TPRG1: variants seen among roughly 807,000 people sequenced by gnomAD.
TPRG1 encodes tumor protein p63 regulated 1.
Under a neutral mutation model 29.3 loss-of-function variants are expected in TPRG1, and 29 were observed. The observed-to-expected ratio is 0.99, with a 90% confidence interval of 0.74 to 1.35. The LOEUF (loss-of-function observed/expected upper bound fraction) is 1.35. Ranked by LOEUF, TPRG1 falls within the 40% of genes most tolerant of loss-of-function variation. The pLI is 0.00. For missense variants in TPRG1, 327 were observed against 335.0 expected, an observed-to-expected ratio of 0.98 and a Z score of 0.19; for synonymous variants, 130 against 116.8, an observed-to-expected ratio of 1.11 and a Z score of -0.73.
intron 4 of TPRG1, among the ~76,000 whole-genome samples, chr3:189,243,010 T>A (rs1028579470): frequency 6.6e-6 from 1 of 152,192 alleles, no homozygotes; most frequent in African/African-American, 2.4e-5. Flanking sequence ...TTTAGTGATA[T>A]CTTCTTTCTT....
intron 4 of TPRG1, among the ~76,000 whole-genome samples, chr3:189,059,353 G>T (rs1307142738): frequency 2.6e-5 from 4 of 152,198 alleles, no homozygotes; most frequent in Non-Finnish European, 4.4e-5. Flanking sequence ...AGCACTTTGG[G>T]AGGCTGAGGC....
At chr3:189,114,392 C>T (rs1161485914) in intron 1 of TPRG1, among the ~76,000 whole-genome samples, 2 of 152,120 alleles carry the variant, frequency 1.3e-5, no homozygotes, top group Non-Finnish European at 2.9e-5. Context: ...AAGCGATTCT[C>T]CTGCCTCAGC....
At chr3:189,027,399 G>A (rs770449954) in intron 4 of TPRG1, among the ~76,000 whole-genome samples, 1 of 152,180 alleles carries the variant, frequency 6.6e-6, no homozygotes, top group Non-Finnish European at 1.5e-5. Context: ...ACTAAGTAAG[G>A]TATGTAAATA....
At chr3:189,207,231 C>G (rs947441642) in intron 1 of TPRG1, 145 bp from the exon 2 acceptor site, 17 of 1,416,408 alleles carry the variant, frequency 1.2e-5, no homozygotes, top group Non-Finnish European at 1.6e-5. Context: ...GAAGCTGTAT[C>G]CACCAATGCC....
intron 3 of TPRG1, among the ~76,000 whole-genome samples, chr3:189,237,297 G>GCA (rs138027082): frequency 2.0e-5 from 3 of 150,812 alleles, no homozygotes; most frequent in Admixed American, 6.6e-5. Context: ...GCACACACAC[G>GCA]CACACACACA....
chr3:189,227,060 A>G (rs1160574070), intron 3 of TPRG1, among the ~76,000 whole-genome samples: 1 of 152,022 alleles, frequency 6.6e-6, no homozygotes, highest in Non-Finnish European at 1.5e-5. Flanking sequence ...AAACTGAACA[A>G]TTAGGAGACT....
At chr3:189,052,098 A>T (rs2152139942) in intron 4 of TPRG1, among the ~76,000 whole-genome samples, 1 of 152,354 alleles carries the variant, frequency 6.6e-6, no homozygotes, top group South Asian at 2.1e-4. Flanking sequence ...AATAGCTGGG[A>T]CCTAATTAAA....
intron 1 of TPRG1, among the ~76,000 whole-genome samples, chr3:189,106,618 G>A (rs1719855307): frequency 6.6e-6 from 1 of 152,074 alleles, no homozygotes. Context: ...GTTTGTGTTG[G>A]TTGTTCACAT....
At chr3:189,223,545 T>C (rs922013816) in intron 3 of TPRG1, among the ~76,000 whole-genome samples, 1 of 151,948 alleles carries the variant, frequency 6.6e-6, no homozygotes, top group African/African-American at 2.4e-5. Flanking sequence ...TATAAGACAG[T>C]GAGGGCACTT....
intron 2 of TPRG1, chr3:189,004,407 T>G (rs1049263450): frequency 1.2e-4 from 18 of 152,174 alleles, no homozygotes; most frequent in Non-Finnish European, 2.2e-4. Flanking sequence ...AAATGCATAT[T>G]CTTATTTCCC....
chr3:189,219,124 CAA>C (rs1371331752), intron 3 of TPRG1, among the ~76,000 whole-genome samples: 13 of 152,256 alleles, frequency 8.5e-5, no homozygotes, highest in African/African-American at 3.1e-4. Flanking sequence ...AAGAATAAAA[CAA>C]TGCATATGTT....
chr3:189,141,660 G>A (rs1201241563), intron 3 of TPRG1, among the ~76,000 whole-genome samples: 2 of 152,172 alleles, frequency 1.3e-5, no homozygotes, highest in East Asian at 3.8e-4. Context: ...AAGAGAATTT[G>A]TTCATCAAAT....
intron 3 of TPRG1, among the ~76,000 whole-genome samples, chr3:189,135,549 T>C (rs1723643555): frequency 6.6e-6 from 1 of 152,210 alleles, no homozygotes; most frequent in Non-Finnish European, 1.5e-5. Context: ...ATCTATCCTC[T>C]ATTGTATTCA....
rs139495373 is a variant in TPRG1 at position 189,214,518 on chromosome 3, G to A, written c.211-774G>A. Among the ~76,000 whole-genome samples, 1,074 of 152,244 alleles carry A rather than the reference G, an allele frequency of 7.1e-3. 13 individuals carry two copies. The highest frequency in any genetic ancestry group is 0.024 in the African/African-American group (1,012 of 41,544). Reference sequence around the variant, plus strand: ...AGTGGGGTCACTGGAGGTGACTGACGTTGGCACAACCTTCTCTGTCGAAGT... The same window carrying A: ...AGTGGGGTCACTGGAGGTGACTGACATTGGCACAACCTTCTCTGTCGAAGT... On this transcript the variant is annotated intron_variant, in intron 2 of 5. Transcript: ENST00000345063.
chr3:189,155,566 A>G (rs571242587), intron 5 of TPRG1, among the ~76,000 whole-genome samples: 53 of 152,260 alleles, frequency 3.5e-4, no homozygotes, highest in African/African-American at 1.2e-3. Context: ...GAAGTCAGGT[A>G]TGGAAGTGTC....
upstream of TPRG1, among the ~76,000 whole-genome samples, chr3:189,170,795 C>G (rs933097769): frequency 2.0e-5 from 3 of 152,178 alleles, no homozygotes; most frequent in East Asian, 1.9e-4. Flanking sequence ...CCTGTGGAAT[C>G]GCTTCATGAC....
At chr3:189,199,489 C>G (rs772401224) in intron 1 of TPRG1, among the ~76,000 whole-genome samples, 6 of 152,052 alleles carry the variant, frequency 3.9e-5, no homozygotes, top group Non-Finnish European at 7.4e-5. Flanking sequence ...TCTTTTTTGA[C>G]TGAAATAAGA....
chr3:189,224,857 A>C lies in TPRG1; in HGVS notation c.302+9474A>C, dbSNP rs578185925. Among the ~76,000 whole-genome samples, 20 of 151,574 alleles carry C rather than the reference A, an allele frequency of 1.3e-4. 1 individual carries two copies. The highest frequency in any genetic ancestry group is 4.8e-4 in the African/African-American group (20 of 41,264). On this transcript the variant is annotated intron_variant, in intron 3 of 5. Transcript: ENST00000345063. ...CACCAGCCCCTCTTTATTCTCTAAC[A>C]CAGTGTGCAATGGTGCATGGGAACC...
intron 4 of TPRG1, among the ~76,000 whole-genome samples, chr3:189,264,045 C>A (rs1713606413): frequency 6.6e-6 from 1 of 152,106 alleles, no homozygotes; most frequent in South Asian, 2.1e-4. Flanking sequence ...TTTAGAAATG[C>A]CATATGAAGT....
Sources: gnomAD v4.1 joint callset for allele counts (sites outside exome capture counted in the v4.1 genomes callset) on GRCh38, gnomAD v4.1.1 for gene constraint, MANE v1.5 for transcripts, NCBI Gene and HGNC (gene_info 2026-07-23, HGNC 2026-07-21) for gene names.